The following CACNA2D3 variants were observed in gnomAD, a reference collection of about 807,000 sequenced individuals.
The protein encoded by CACNA2D3 is calcium voltage-gated channel auxiliary subunit alpha2delta 3.
A neutral mutation model predicts 160.6 loss-of-function variants in CACNA2D3; 60 were observed. The observed-to-expected ratio is 0.37, with a 90% confidence interval of 0.30 to 0.46. CACNA2D3 has a LOEUF of 0.46. Among genes scored for constraint, CACNA2D3 ranks in the 20% least tolerant of loss-of-function variants. The pLI, the probability that CACNA2D3 is intolerant of heterozygous loss-of-function variation, is 1.00. For synonymous variants in CACNA2D3, 558 were observed against 492.9 expected (o/e 1.13, Z -1.75); for missense variants, 1,205 against 1,365.0 (o/e 0.88, Z 1.85).
chr3:54,176,803 G>T (rs1452970611), intron 2 of CACNA2D3, among the ~76,000 whole-genome samples: 2 of 151,944 alleles, frequency 1.3e-5, no homozygotes, highest in African/African-American at 4.8e-5. Flanking sequence ...CATGGACTTT[G>T]CCTAACCTGC....
At chr3:54,922,320 CTTT>C (rs199955110) in intron 27 of CACNA2D3, among the ~76,000 whole-genome samples, 2 of 137,002 alleles carry the variant, frequency 1.5e-5, no homozygotes, top group African/African-American at 2.6e-5. Flanking sequence ...GTCCTGGGAA[CTTT>C]TTTTTTTTTT....
chr3:54,160,799 A>G (rs1700330615), intron 2 of CACNA2D3, among the ~76,000 whole-genome samples: 1 of 152,168 alleles, frequency 6.6e-6, no homozygotes, highest in African/African-American at 2.4e-5. Context: ...TCATTAACCA[A>G]TTTGTAATGT....
chr3:54,537,985 G>T lies in CACNA2D3; in HGVS notation c.545-24815G>T, dbSNP rs142301920. Among the ~76,000 whole-genome samples, 196 of 152,272 alleles carry T rather than the reference G, an allele frequency of 1.3e-3. 3 individuals are homozygous for T. The highest frequency in any genetic ancestry group is 4.4e-3 in the African/African-American group (184 of 41,558). On this transcript the variant is annotated intron_variant, in intron 5 of 37. Coordinates refer to ENST00000474759, the MANE Select transcript of CACNA2D3 (RefSeq NM_018398.3). The stretch of plus-strand genomic sequence containing the variant: ...TGTGACCCACACTGGGACCCTGGCT[G>T]TGTGCTCTTCATTCACTAACATTTT...
chr3:54,184,068 A>C (rs2107326401), intron 2 of CACNA2D3, among the ~76,000 whole-genome samples: 1 of 152,192 alleles, frequency 6.6e-6, no homozygotes, highest in African/African-American at 2.4e-5. Flanking sequence ...TCCCAGGTCA[A>C]GCTTGAAGGC....
chr3:55,004,229 G>C (rs1703039992), intron 31 of CACNA2D3, among the ~76,000 whole-genome samples: 1 of 152,174 alleles, frequency 6.6e-6, no homozygotes. Context: ...ATGACAATAA[G>C]GAGTAGGGAT....
rs1702527232 is a variant in CACNA2D3, at chr3:54,266,909, A to G, written c.205-53533A>G. The stretch of plus-strand genomic sequence containing the variant: ...CCCTCTTAGGGAGAGCATGGAGGGG[A>G]CAGTGGCTTTTTTTTTGCAACACTT... On this transcript the variant is annotated intron_variant, in intron 2 of 37. Transcript: ENST00000474759. Among the ~76,000 whole-genome samples the G allele has an allele frequency of 2.0e-5, 3 of 152,040 alleles. No homozygotes were observed. The South Asian group carries it at 6.2e-4, about 32-fold the overall frequency.
chr3:54,431,524 A>G (rs2106774006), intron 4 of CACNA2D3, among the ~76,000 whole-genome samples: 1 of 152,296 alleles, frequency 6.6e-6, no homozygotes, highest in South Asian at 2.1e-4. Flanking sequence ...AAATCCACAT[A>G]TAAGTGGACC....
intron 2 of CACNA2D3, among the ~76,000 whole-genome samples, chr3:54,294,707 C>T (rs917739885): frequency 6.6e-6 from 1 of 152,046 alleles, no homozygotes; most frequent in Non-Finnish European, 1.5e-5. Flanking sequence ...ATCACCTTGA[C>T]GGGCATTTCC....
chr3:54,827,271 A>G (rs868350954), intron 14 of CACNA2D3, among the ~76,000 whole-genome samples: 1 of 152,370 alleles, frequency 6.6e-6, no homozygotes, highest in South Asian at 2.1e-4. Context: ...CGTCTTTGTC[A>G]GGGTTCAATT....
At chr3:54,140,816 G>C (rs1015359732) in intron 2 of CACNA2D3, among the ~76,000 whole-genome samples, 11 of 152,142 alleles carry the variant, frequency 7.2e-5, no homozygotes, top group Non-Finnish European at 1.2e-4. Flanking sequence ...CGGATTTTTG[G>C]CTCCTGTAAT....
chr3:54,498,349 A>G (rs867640607), intron 4 of CACNA2D3, among the ~76,000 whole-genome samples: 95 of 151,922 alleles, frequency 6.3e-4, no homozygotes, highest in African/African-American at 2.1e-3. Context: ...CATTTAACCT[A>G]AGTTATTGAA....
chr3:54,136,046 C>A (rs772492398), intron 2 of CACNA2D3, among the ~76,000 whole-genome samples: 10 of 152,186 alleles, frequency 6.6e-5, no homozygotes, highest in Non-Finnish European at 1.5e-4. Flanking sequence ...TCAAAGCTAC[C>A]CAGCTGATCT....
intron 2 of CACNA2D3, among the ~76,000 whole-genome samples, chr3:54,232,411 C>G (rs779015011): frequency 2.8e-4 from 42 of 152,092 alleles, no homozygotes; most frequent in Non-Finnish European, 5.4e-4. Flanking sequence ...CATGTCAATA[C>G]CACTTATTGT....
intron 11 of CACNA2D3, 75 bp from the exon 12 acceptor site, chr3:54,752,524 G>A: frequency 1.0e-6 from 1 of 957,722 alleles, no homozygotes; most frequent in Non-Finnish European, 1.7e-6. Context: ...CCACATGTGT[G>A]TGAGCCATGC....
chr3:54,476,698 A>C (rs1002058195), intron 4 of CACNA2D3, among the ~76,000 whole-genome samples: 1 of 152,024 alleles, frequency 6.6e-6, no homozygotes, highest in African/African-American at 2.4e-5. Flanking sequence ...GACCATTTGT[A>C]TGTGTTCTTT....
intron 4 of CACNA2D3, among the ~76,000 whole-genome samples, chr3:54,421,697 G>A (rs1041921659): frequency 2.0e-5 from 3 of 152,138 alleles, no homozygotes; most frequent in Non-Finnish European, 4.4e-5. Flanking sequence ...ATCATGTTGA[G>A]GGTTGGGAAG....
intron 2 of CACNA2D3, among the ~76,000 whole-genome samples, chr3:54,141,002 C>T (rs1370436635): frequency 6.6e-6 from 1 of 151,410 alleles, no homozygotes. Flanking sequence ...CTCGTTGGCA[C>T]CTCTCTGTGG....
At chr3:54,946,942 T>G (rs1701630980) in intron 27 of CACNA2D3, among the ~76,000 whole-genome samples, 1 of 152,166 alleles carries the variant, frequency 6.6e-6, no homozygotes, top group Non-Finnish European at 1.5e-5. Context: ...AGTTAAGCAT[T>G]GTGAAAAATT....
intron 5 of CACNA2D3, among the ~76,000 whole-genome samples, chr3:54,541,303 AAAAG>A (rs1383818450): frequency 8.9e-5 from 9 of 101,632 alleles, no homozygotes; most frequent in African/African-American, 2.7e-4. Context: ...AAAAAAAAAG[AAAAG>A]AAAAGAAAAG....
Sources: allele counts gnomAD v4.1 joint callset (sites outside exome capture counted in the v4.1 genomes callset), GRCh38; gene constraint gnomAD v4.1.1; transcripts MANE v1.5; gene names NCBI Gene and HGNC (gene_info 2026-07-23, HGNC 2026-07-21).